CTXND2: variants seen among roughly 807,000 people sequenced by gnomAD.
The protein encoded by CTXND2 is cortexin domain containing 2.
intron 1 of CTXND2, among the ~76,000 whole-genome samples, chr1:150,887,823 C>T (rs1349132524): frequency 6.7e-6 from 1 of 149,508 alleles, no homozygotes; most frequent in Non-Finnish European, 1.5e-5. Context: ...CAGGTCATTG[C>T]AGGTGGGAAG....
intron 1 of CTXND2, among the ~76,000 whole-genome samples, chr1:150,906,794 G>A (rs1451816279): frequency 6.6e-6 from 1 of 152,158 alleles, no homozygotes; most frequent in Non-Finnish European, 1.5e-5. Context: ...CAGGAGCAGT[G>A]GGAGGTGCCA....
At chr1:150,890,805 A>G (rs1039435086) in intron 1 of CTXND2, among the ~76,000 whole-genome samples, 7 of 152,132 alleles carry the variant, frequency 4.6e-5, no homozygotes, top group Non-Finnish European at 8.8e-5. Flanking sequence ...GCCTGGCCCA[A>G]TGTGAAATTT....
chr1:150,905,688 C>T (rs958443965), intron 1 of CTXND2, among the ~76,000 whole-genome samples: 4 of 152,040 alleles, frequency 2.6e-5, no homozygotes, highest in African/African-American at 9.7e-5. Flanking sequence ...CTTGTCCCAC[C>T]ACAGTATATA....
chr1:150,900,053 G>A (rs1277585421), intron 1 of CTXND2, among the ~76,000 whole-genome samples: 1 of 152,146 alleles, frequency 6.6e-6, no homozygotes, highest in African/African-American at 2.4e-5. Context: ...GGCCAAATAA[G>A]GGAATAAAAG....
At chr1:150,895,680 A>T (rs1456082598) in intron 1 of CTXND2, among the ~76,000 whole-genome samples, 1 of 152,184 alleles carries the variant, frequency 6.6e-6, no homozygotes, top group Non-Finnish European at 1.5e-5. Flanking sequence ...AATCTGTCAG[A>T]AACAATTCCC....
intron 1 of CTXND2, among the ~76,000 whole-genome samples, chr1:150,895,300 C>T (rs1348394417): frequency 1.3e-5 from 2 of 151,806 alleles, no homozygotes; most frequent in Non-Finnish European, 2.9e-5. Context: ...TGCCCAACAT[C>T]CAACTACCCT....
exon 1 of CTXND2, chr1:150,887,295 G>C (rs1305273981): frequency 6.6e-6 from 1 of 152,100 alleles, no homozygotes; most frequent in East Asian, 1.9e-4. Context: ...ATGTAGCCTT[G>C]GATATCCGCT....
At chr1:150,902,750 A>G (rs1422930734) in intron 1 of CTXND2, among the ~76,000 whole-genome samples, 2 of 151,658 alleles carry the variant, frequency 1.3e-5, no homozygotes, top group Non-Finnish European at 2.9e-5. Context: ...AAAAACTCTT[A>G]AAGTGGAATA....
intron 1 of CTXND2, chr1:150,903,864 C>T (rs931276668): frequency 2.0e-5 from 11 of 558,722 alleles, no homozygotes; most frequent in African/African-American, 1.1e-4. Context: ...TGGTAACCTA[C>T]GTTGCACCAG....
At chr1:150,905,398 G>A (rs1219822798) in intron 1 of CTXND2, among the ~76,000 whole-genome samples, 1 of 151,784 alleles carries the variant, frequency 6.6e-6, no homozygotes, top group East Asian at 2.0e-4. Context: ...CCCCAACCTC[G>A]GCCTCCCAAA....
At chr1:150,902,969 C>G (rs1249115629) in intron 1 of CTXND2, among the ~76,000 whole-genome samples, 2 of 152,120 alleles carry the variant, frequency 1.3e-5, no homozygotes, top group Non-Finnish European at 2.9e-5. Context: ...TTTATCCCCT[C>G]AAGGTGAATA....
chr1:150,887,350 T>C (rs1668787810), intron 1 of CTXND2, 37 bp downstream of exon 1: 1 of 152,168 alleles, frequency 6.6e-6, no homozygotes, highest in Admixed American at 6.6e-5. Context: ...TGGTGGAGTT[T>C]TCACTGGGAG....
At chr1:150,912,914 G>T (rs749559131) in exon 2 of CTXND2, 1 of 152,778 alleles carries the variant, frequency 6.5e-6, no homozygotes, top group African/African-American at 2.4e-5. Context: ...TTTAGTGTGT[G>T]AAGTTTTATA....
intron 1 of CTXND2, among the ~76,000 whole-genome samples, chr1:150,895,085 A>G (rs1484404559): frequency 6.6e-6 from 1 of 151,692 alleles, no homozygotes; most frequent in Non-Finnish European, 1.5e-5. Context: ...TTTTGTATTT[A>G]GTTCTATTTT....
intron 1 of CTXND2, chr1:150,904,114 G>T: frequency 1.5e-6 from 1 of 663,668 alleles, no homozygotes. Flanking sequence ...AAAATCCCAA[G>T]AAGTACATCC....
chr1:150,909,461 A>C (rs1669211598), intron 1 of CTXND2, among the ~76,000 whole-genome samples: 2 of 151,868 alleles, frequency 1.3e-5, no homozygotes, highest in African/African-American at 4.8e-5. Context: ...GAAGGTTGAG[A>C]TGGGAGGATC....
intron 1 of CTXND2, among the ~76,000 whole-genome samples, chr1:150,910,563 A>C (rs1374044182): frequency 6.6e-6 from 1 of 151,660 alleles, no homozygotes; most frequent in Admixed American, 6.6e-5. Context: ...TTCCTCACCG[A>C]ATTTTCTTGG....
At chr1:150,895,589 C>T (rs1403366064) in intron 1 of CTXND2, among the ~76,000 whole-genome samples, 2 of 152,188 alleles carry the variant, frequency 1.3e-5, no homozygotes, top group Non-Finnish European at 2.9e-5. Context: ...AGTGATCCAC[C>T]TGCCTCGACC....
At chr1:150,894,971 T>C (rs1295923166) in intron 1 of CTXND2, among the ~76,000 whole-genome samples, 1 of 151,806 alleles carries the variant, frequency 6.6e-6, no homozygotes, top group Non-Finnish European at 1.5e-5. Flanking sequence ...GAGGAGGTTG[T>C]AGTGAGCCGA....
Sources: allele counts gnomAD v4.1 joint callset (sites outside exome capture counted in the v4.1 genomes callset), GRCh38; gene constraint gnomAD v4.1.1; transcripts MANE v1.5; gene names NCBI Gene and HGNC (gene_info 2026-07-23, HGNC 2026-07-21).